GXYLT2: variants seen among roughly 807,000 people sequenced by gnomAD.
GXYLT2 encodes the protein glycosyltransferase 8 domain containing 4.
Under a neutral mutation model 45.8 loss-of-function variants are expected in GXYLT2, and 53 were observed. That is an observed-to-expected ratio of 1.16 (90% CI 0.93 to 1.46). The LOEUF is 1.46. Ranked by LOEUF, GXYLT2 falls within the 40% of genes most tolerant of loss-of-function variation. The pLI is 0.00. For synonymous variants in GXYLT2, 219 were observed against 214.2 expected, an observed-to-expected ratio of 1.02 and a Z score of -0.19; for missense variants, 551 against 544.4, an observed-to-expected ratio of 1.01 and a Z score of -0.12.
At chr3:72,947,241 TCA>T (rs1377476511) in intron 3 of GXYLT2, among the ~76,000 whole-genome samples, 1 of 152,170 alleles carries the variant, frequency 6.6e-6, no homozygotes, top group African/African-American at 2.4e-5. Context: ...TAAGCGCATC[TCA>T]GATAGAGAAG....
At chr3:72,912,670 G>A (rs555257689) in intron 2 of GXYLT2, among the ~76,000 whole-genome samples, 23 of 152,270 alleles carry the variant, frequency 1.5e-4, no homozygotes, top group African/African-American at 5.3e-4. Context: ...AAAGAACTGA[G>A]GCCTCCAGCC....
At chr3:72,894,986 T>G (rs993288393) in intron 1 of GXYLT2, among the ~76,000 whole-genome samples, 1 of 152,296 alleles carries the variant, frequency 6.6e-6, no homozygotes, top group East Asian at 1.9e-4. Context: ...GTTTGCTGGC[T>G]CTGGGTCTTT....
At chr3:72,914,773 T>C (rs1289679398) in intron 2 of GXYLT2, among the ~76,000 whole-genome samples, 2 of 152,094 alleles carry the variant, frequency 1.3e-5, no homozygotes, top group East Asian at 1.9e-4. Context: ...ACCGACGCCA[T>C]AGAGCCTGGG....
intron 3 of GXYLT2, among the ~76,000 whole-genome samples, chr3:72,945,204 T>C (rs1379143236): frequency 6.6e-6 from 1 of 150,858 alleles, no homozygotes; most frequent in East Asian, 1.9e-4. Context: ...AGGAGAATGG[T>C]GTGAACCCGG....
intron 5 of GXYLT2, among the ~76,000 whole-genome samples, chr3:72,961,888 G>A (rs911342331): frequency 1.3e-5 from 2 of 152,142 alleles, no homozygotes; most frequent in African/African-American, 4.8e-5. Flanking sequence ...AAGTGATAAG[G>A]CAGGGCATCA....
chr3:72,922,113 T>A, intron 2 of GXYLT2, 91 bp from the exon 3 acceptor site: 1 of 1,187,518 alleles, frequency 8.4e-7, no homozygotes, highest in East Asian at 2.4e-5. Flanking sequence ...GTTGCCTGAA[T>A]AATTTCCATT....
At chr3:72,969,320 G>A (rs1710940097) in intron 6 of GXYLT2, among the ~76,000 whole-genome samples, 1 of 150,922 alleles carries the variant, frequency 6.6e-6, no homozygotes, top group Admixed American at 6.6e-5. Flanking sequence ...TTGACCCCAG[G>A]AGTTCAAGGC....
At chr3:72,910,962 A>G (rs1428276639) in intron 2 of GXYLT2, among the ~76,000 whole-genome samples, 1 of 152,136 alleles carries the variant, frequency 6.6e-6, no homozygotes, top group Admixed American at 6.6e-5. Flanking sequence ...GGATGTGGGG[A>G]TGGAGCAGAA....
At position 72,936,074 on chromosome 3, in the gene GXYLT2, G is replaced by A. The variant is rs531441562; in HGVS notation, c.600+13739G>A. On this transcript the variant is annotated intron_variant, in intron 3 of 6. Transcript: ENST00000389617. ...TGGGAGGCCAAAGTGGGTGGATCACGAGGTCAGGAGATCAAGACCATCCTA... is the reference window on the plus strand; with the variant it reads ...TGGGAGGCCAAAGTGGGTGGATCACAAGGTCAGGAGATCAAGACCATCCTA... 4.6e-5 allele frequency among the ~76,000 whole-genome samples: 7 copies of A among 151,398 alleles called. 1 individual carries two copies. The highest frequency in any genetic ancestry group is 1.3e-4 in the Admixed American group (2 of 15,216).
At chr3:72,913,255 G>T (rs1392892136) in intron 2 of GXYLT2, among the ~76,000 whole-genome samples, 1 of 150,662 alleles carries the variant, frequency 6.6e-6, no homozygotes, top group African/African-American at 2.4e-5. Context: ...AGCCAGGATG[G>T]TCTCGATCTC....
At chr3:72,909,506 TG>T (rs1709578772) in intron 2 of GXYLT2, among the ~76,000 whole-genome samples, 1 of 152,190 alleles carries the variant, frequency 6.6e-6, no homozygotes, top group Non-Finnish European at 1.5e-5. Flanking sequence ...CTCTGTATAT[TG>T]TTGTGGAACT....
At chr3:72,915,676 A>G (rs1264801050) in intron 2 of GXYLT2, among the ~76,000 whole-genome samples, 1 of 152,112 alleles carries the variant, frequency 6.6e-6, no homozygotes, top group African/African-American at 2.4e-5. Context: ...GTCTCTACTA[A>G]AAATACAAAA....
intron 6 of GXYLT2, among the ~76,000 whole-genome samples, chr3:72,968,430 GT>G (rs1275932958): frequency 6.6e-6 from 1 of 152,210 alleles, no homozygotes; most frequent in East Asian, 1.9e-4. Flanking sequence ...TCAATCAGGG[GT>G]CAAGGTGTTC....
chr3:72,962,202 C>A (rs1038894904), intron 5 of GXYLT2, among the ~76,000 whole-genome samples: 2 of 152,150 alleles, frequency 1.3e-5, no homozygotes, highest in African/African-American at 4.8e-5. Context: ...GATTGACAAG[C>A]CCAGTTATTT....
intron 3 of GXYLT2, among the ~76,000 whole-genome samples, chr3:72,940,524 GGGGGTTGGTTAT>G (rs1263468039): frequency 6.6e-6 from 1 of 152,126 alleles, no homozygotes; most frequent in African/African-American, 2.4e-5. Flanking sequence ...AAGAGAGAGC[GGGGGTTGGTTAT>G]GGGGGTTTGG....
chr3:72,967,493 C>T (rs1710888720), intron 5 of GXYLT2, 54 bp from the exon 6 acceptor site: 1 of 1,368,126 alleles, frequency 7.3e-7, no homozygotes, highest in African/African-American at 1.4e-5. Flanking sequence ...GCCACATGTG[C>T]ATGAGAGCTG....
chr3:72,965,178 G>A (rs1710840524), intron 5 of GXYLT2, among the ~76,000 whole-genome samples: 1 of 152,202 alleles, frequency 6.6e-6, no homozygotes. Flanking sequence ...ATGTCACAGT[G>A]TGTTATGAGC....
chr3:72,947,956 A>C (rs1710443233), intron 3 of GXYLT2, among the ~76,000 whole-genome samples: 1 of 152,206 alleles, frequency 6.6e-6, no homozygotes, highest in Non-Finnish European at 1.5e-5. Context: ...TAACCATCTC[A>C]AATGAGTGTA....
rs754080873 is a variant in GXYLT2, at chr3:72,929,549, A to G, written c.600+7214A>G. On this transcript the variant is annotated intron_variant, in intron 3 of 6. Coordinates refer to ENST00000389617, the MANE Select transcript of GXYLT2 (RefSeq NM_001080393.2). ...GAGCACCCGAATCTGGCTCGGCAGA[A>G]TATCTCTTTGACAAGCACACGCTGG... 2.5e-5 allele frequency: 29 copies of G among 1,166,844 alleles called. 1 individual carries two copies. In the African/African-American group the frequency reaches 2.7e-4, roughly 11 times the overall value. The allele number at this position is 1,166,844 out of a possible 1,614,324, so 72.3% of individuals were successfully genotyped here.
Sources: allele counts gnomAD v4.1 joint callset (sites outside exome capture counted in the v4.1 genomes callset), GRCh38; gene constraint gnomAD v4.1.1; transcripts MANE v1.5; gene names NCBI Gene and HGNC (gene_info 2026-07-23, HGNC 2026-07-21).